The following MIPOL1 variants were observed in gnomAD, a reference collection of about 807,000 sequenced individuals.
MIPOL1 encodes mirror-image polydactyly gene 1 protein.
MIPOL1 carries 57 observed loss-of-function variants against 60.9 expected under a neutral mutation model. The ratio of observed to expected loss-of-function variants is 0.94; its 90% confidence interval spans 0.76 to 1.17. MIPOL1 has a LOEUF of 1.17. MIPOL1 is among the 50% of genes most tolerant of loss of function. The pLI, the probability that MIPOL1 is intolerant of heterozygous loss-of-function variation, is 0.00. For missense variants in MIPOL1, 551 were observed against 511.6 expected, an observed-to-expected ratio of 1.08 and a Z score of -0.74; for synonymous variants, 179 against 168.8, an observed-to-expected ratio of 1.06 and a Z score of -0.47.
At chr14:37,246,961 C>T (rs1048633281) in intron 1 of MIPOL1, 142 bp from the exon 2 acceptor site, 2 of 152,160 alleles carry the variant, frequency 1.3e-5, no homozygotes, top group Admixed American at 1.3e-4. Flanking sequence ...TTATTAAAGA[C>T]TGTATTTTCT....
At chr14:37,499,668 C>T (rs2095186303) in intron 11 of MIPOL1, among the ~76,000 whole-genome samples, 1 of 152,142 alleles carries the variant, frequency 6.6e-6, no homozygotes, top group Admixed American at 6.5e-5. Flanking sequence ...ATTAAATTAA[C>T]ATCTTGCAGC....
chr14:37,261,125 C>T (rs11848827), intron 3 of MIPOL1, among the ~76,000 whole-genome samples: 5,974 of 151,916 alleles, frequency 0.039, 273 homozygotes, highest in African/African-American at 0.11. Context: ...GTATTAATTA[C>T]AAGTTTTAAC....
intron 10 of MIPOL1, among the ~76,000 whole-genome samples, chr14:37,374,842 C>T (rs1410634138): frequency 6.6e-6 from 1 of 152,050 alleles, no homozygotes; most frequent in Non-Finnish European, 1.5e-5. Context: ...GTTCTTTTTG[C>T]TTAGGATTGT....
At chr14:37,346,283 C>T (rs1046914137) in intron 9 of MIPOL1, among the ~76,000 whole-genome samples, 3 of 152,222 alleles carry the variant, frequency 2.0e-5, no homozygotes, top group Admixed American at 1.3e-4. Context: ...GAGCTGAGAT[C>T]GTGCCAATGC....
chr14:37,515,996 G>T (rs1245203719), intron 12 of MIPOL1, among the ~76,000 whole-genome samples: 1 of 152,160 alleles, frequency 6.6e-6, no homozygotes, highest in Non-Finnish European at 1.5e-5. Flanking sequence ...CGGCTTCATT[G>T]ATGCGATCTG....
intron 10 of MIPOL1, among the ~76,000 whole-genome samples, chr14:37,391,592 C>G (rs1289446357): frequency 6.6e-6 from 1 of 151,992 alleles, no homozygotes; most frequent in Non-Finnish European, 1.5e-5. Flanking sequence ...AACGGGGTTT[C>G]AGCATGTTGG....
At chr14:37,248,981 GAT>G (rs1973647638) in intron 3 of MIPOL1, among the ~76,000 whole-genome samples, 1 of 141,748 alleles carries the variant, frequency 7.1e-6, no homozygotes, top group African/African-American at 3.1e-5. Context: ...TGGAAGGATG[GAT>G]GGATGGATGG....
chr14:37,389,758 G>GAA, intron 10 of MIPOL1, among the ~76,000 whole-genome samples: 1 of 151,184 alleles, frequency 6.6e-6, no homozygotes, highest in East Asian at 1.9e-4. Context: ...GGTATTTAAA[G>GAA]AAAAACAACA....
At chr14:37,247,628 T>C (rs1701335851) in intron 2 of MIPOL1, among the ~76,000 whole-genome samples, 2 of 152,140 alleles carry the variant, frequency 1.3e-5, no homozygotes, top group Admixed American at 6.6e-5. Context: ...CTGTATATAC[T>C]AAAATACAAG....
At chr14:37,524,669 G>A (rs1469712485) in intron 12 of MIPOL1, among the ~76,000 whole-genome samples, 1 of 144,602 alleles carries the variant, frequency 6.9e-6, no homozygotes, top group Non-Finnish European at 1.5e-5. Flanking sequence ...CCAGGTTCAA[G>A]CAATTCTCTG....
At chr14:37,361,700 C>T (rs535346222) in intron 9 of MIPOL1, among the ~76,000 whole-genome samples, 12 of 132,010 alleles carry the variant, frequency 9.1e-5, no homozygotes, top group Admixed American at 6.1e-4. Context: ...CCGCCTTCCC[C>T]GGGTTCATGC....
At chr14:37,299,214 T>G (rs548958111) in intron 7 of MIPOL1, among the ~76,000 whole-genome samples, 60 of 150,360 alleles carry the variant, frequency 4.0e-4, no homozygotes, top group Admixed American at 8.7e-4. Flanking sequence ...ACCAAACACC[T>G]CATGTTCTCA....
chr14:37,312,436 C>T (rs1379620293), intron 9 of MIPOL1, among the ~76,000 whole-genome samples: 3 of 152,066 alleles, frequency 2.0e-5, no homozygotes, highest in Admixed American at 6.6e-5. Context: ...TATTTAGCAT[C>T]AGACATTTTC....
In MIPOL1 at chr14:37,369,616, G is replaced by T. The variant is rs745487274; in HGVS notation, c.928G>T (p.Ala310Ser). ...HLTAENNQER[A>S]LKAKLLSMQQ... is the part of the protein sequence containing the mutation. ...GACTGCTGAAAACAATCAAGAACGT[G>T]CTCTGAAGGTAAATCTCCGTTCCTT... is the stretch of plus-strand genomic sequence containing the variant. The change falls in exon 10 of 13, where the codon GCT becomes TCT. Residue 310 changes from alanine to serine, a missense_variant. Physicochemically the swap from Ala to Ser is moderately conservative, Grantham distance 99 (BLOSUM62 1). Transcript: ENST00000684589. The T allele has an allele frequency of 3.7e-6, 6 of 1,612,226 alleles. No individual in the cohort carries two copies. Among genetic ancestry groups the T allele is most frequent in the Non-Finnish European group, 5.1e-6 (6 of 1,178,732 alleles).
At chr14:37,372,877 A>G (rs1020066660) in intron 10 of MIPOL1, among the ~76,000 whole-genome samples, 2 of 149,738 alleles carry the variant, frequency 1.3e-5, no homozygotes, top group African/African-American at 4.9e-5. Flanking sequence ...TTATACTGAT[A>G]CTAGTATATA....
intron 9 of MIPOL1, among the ~76,000 whole-genome samples, chr14:37,338,331 C>A (rs187005981): frequency 6.6e-6 from 1 of 151,228 alleles, no homozygotes; most frequent in Non-Finnish European, 1.5e-5. Flanking sequence ...AGGATGGTCT[C>A]GATCTCCTGA....
At chr14:37,524,552 A>C (rs1289952201) in intron 12 of MIPOL1, among the ~76,000 whole-genome samples, 4 of 76,456 alleles carry the variant, frequency 5.2e-5, no homozygotes, top group African/African-American at 6.6e-5. Context: ...TTGACATCTT[A>C]ATTTTTCTTT....
At chr14:37,461,664 A>G (rs2094540333) in intron 11 of MIPOL1, among the ~76,000 whole-genome samples, 1 of 152,198 alleles carries the variant, frequency 6.6e-6, no homozygotes, top group Non-Finnish European at 1.5e-5. Flanking sequence ...GCATTGGGTA[A>G]ATACAGCCAT....
intron 1 of MIPOL1, among the ~76,000 whole-genome samples, chr14:37,240,844 A>G (rs1399687033): frequency 2.0e-5 from 3 of 152,080 alleles, no homozygotes; most frequent in Non-Finnish European, 4.4e-5. Context: ...TGTGGAAGCC[A>G]TATATTTGAA....
Sources: allele counts gnomAD v4.1 joint callset (sites outside exome capture counted in the v4.1 genomes callset), GRCh38; gene constraint gnomAD v4.1.1; transcripts MANE v1.5; gene names NCBI Gene and HGNC (gene_info 2026-07-23, HGNC 2026-07-21).